JADE1: variants seen among roughly 807,000 people sequenced by gnomAD.
JADE1 encodes the protein jade family PHD finger 1.
Under a neutral mutation model 81.8 loss-of-function variants are expected in JADE1, and 14 were observed. That is an observed-to-expected ratio of 0.17 (90% confidence interval 0.11 to 0.27). JADE1 has a LOEUF of 0.27. JADE1 is among the 10% of genes least tolerant of loss of function. The pLI is 1.00. For missense variants in JADE1, 690 were observed against 1,047.9 expected (o/e 0.66, Z 4.71); for synonymous variants, 353 against 391.9 (o/e 0.90, Z 1.17).
At chr4:128,845,653 G>A (rs2004378) in intron 3 of JADE1, among the ~76,000 whole-genome samples, 3,337 of 152,098 alleles carry the variant, frequency 0.022, 104 homozygotes, top group African/African-American at 0.072. Context: ...AGTGGCTCAT[G>A]CTTGTAATCC....
In JADE1 at chr4:128,862,132, G is replaced by A; in HGVS notation, c.1410G>A (p.Lys470=). 6.2e-7 allele frequency: 1 copy of A among 1,614,194 alleles called. No individual in the cohort carries two copies. Among genetic ancestry groups the A allele is most frequent in the South Asian group, 1.1e-5 (1 of 91,090 alleles). ...TCAACAAGCCCCTGATCACCCCAAAGAAAGATGAAGAGGACAATCTAGCCA... is the reference window on the plus strand; with the variant it reads ...TCAACAAGCCCCTGATCACCCCAAAAAAAGATGAAGAGGACAATCTAGCCA... The part of the protein sequence containing the change: ...VNFNKPLITP[K]KDEEDNLAKR... The change falls in exon 9 of 11, where the codon AAG becomes AAA. Residue 470 remains lysine (K), a synonymous_variant. Transcript: ENST00000226319.
chr4:128,850,330 A>G (rs1199553498), intron 5 of JADE1, among the ~76,000 whole-genome samples: 1 of 142,000 alleles, frequency 7.0e-6, no homozygotes, highest in African/African-American at 2.5e-5. Context: ...AAAAAAAATC[A>G]CAAGATTTTT....
intron 1 of JADE1, among the ~76,000 whole-genome samples, chr4:128,820,811 A>G (rs1355874331): frequency 1.3e-5 from 2 of 152,294 alleles, no homozygotes; most frequent in African/African-American, 4.8e-5. Context: ...CTGCATTTCA[A>G]TCTGTGCACA....
intron 8 of JADE1, among the ~76,000 whole-genome samples, chr4:128,861,207 T>A (rs1731297270): frequency 6.6e-6 from 1 of 152,218 alleles, no homozygotes; most frequent in South Asian, 2.1e-4. Flanking sequence ...CTTTGCATAT[T>A]GAGTACAGAT....
intron 5 of JADE1, among the ~76,000 whole-genome samples, chr4:128,850,673 C>T (rs1487991253): frequency 6.6e-6 from 1 of 152,196 alleles, no homozygotes; most frequent in Non-Finnish European, 1.5e-5. Flanking sequence ...TTTAGCTTCA[C>T]AGATGATACA....
At chr4:128,860,268 A>G (rs1731209683) in intron 8 of JADE1, among the ~76,000 whole-genome samples, 2 of 152,122 alleles carry the variant, frequency 1.3e-5, no homozygotes, top group African/African-American at 2.4e-5. Context: ...GAGGTTATTT[A>G]TAGAGAAAAT....
chr4:128,845,691 G>A (rs1729810070), intron 3 of JADE1, among the ~76,000 whole-genome samples: 1 of 152,138 alleles, frequency 6.6e-6, no homozygotes. Flanking sequence ...GAGGCAGGTA[G>A]ATCATTTGAG....
At chr4:128,859,265 G>T (rs1579219753) in intron 8 of JADE1, among the ~76,000 whole-genome samples, 2 of 151,568 alleles carry the variant, frequency 1.3e-5, no homozygotes, top group African/African-American at 4.9e-5. Context: ...CATGTGTGGG[G>T]GTGTGAGTGT....
chr4:128,818,792 A>G (rs1355377764), intron 1 of JADE1, among the ~76,000 whole-genome samples: 9 of 152,196 alleles, frequency 5.9e-5, no homozygotes, highest in Non-Finnish European at 1.3e-4. Context: ...CAACCATTTC[A>G]ATATGTGAAA....
intron 3 of JADE1, among the ~76,000 whole-genome samples, chr4:128,845,053 G>T (rs1312282455): frequency 6.6e-6 from 1 of 152,242 alleles, no homozygotes; most frequent in Non-Finnish European, 1.5e-5. Context: ...GCTTACAGAT[G>T]CAAGCTTGCT....
intron 6 of JADE1, among the ~76,000 whole-genome samples, chr4:128,853,328 A>G (rs1040401357): frequency 5.3e-5 from 8 of 152,210 alleles, no homozygotes; most frequent in Non-Finnish European, 1.2e-4. Flanking sequence ...TAGGACTTCA[A>G]CATGTCTTTT....
At chr4:128,852,878 T>C (rs1439786284) in intron 6 of JADE1, among the ~76,000 whole-genome samples, 2 of 151,718 alleles carry the variant, frequency 1.3e-5, no homozygotes, top group East Asian at 3.9e-4. Context: ...TTCATCATCA[T>C]GTGTGTTCTC....
intron 1 of JADE1, chr4:128,816,534 G>A (rs1727045176): frequency 6.6e-6 from 1 of 152,098 alleles, no homozygotes; most frequent in Non-Finnish European, 1.5e-5. Flanking sequence ...CTATGATGGG[G>A]CCTTTCCTAG....
Position 128,857,401 on chromosome 4 carries a change from C to A in JADE1, c.928C>A (p.Arg310=). 1 of 1,614,090 alleles carries A rather than the reference C, an allele frequency of 6.2e-7. No individual in the cohort carries two copies. Among genetic ancestry groups the A allele is most frequent in the Non-Finnish European group, 8.5e-7 (1 of 1,179,996 alleles). ...CAAGGTGTCACACATTCCCAGCAGC[C>A]GGTGGGCGCTAGTGTGCAGCCTCTG... ...ITKVSHIPSS[R]WALVCSLCNE... Residue 310 remains arginine (R), a synonymous_variant, in exon 8 of 11, where the codon CGG becomes AGG. Transcript: ENST00000226319.
In JADE1 at chr4:128,846,344, A is replaced by T. The variant is rs1230290065; in HGVS notation, c.139-31A>T. ...ACTCTGAATAAGAATGCAAATATCA[A>T]ATGTCAGTGTCCCTTTCTCTTCCTT... On this transcript the variant is annotated intron_variant, in intron 3 of 10. Transcript: ENST00000226319. This position sits in a 1 kb window ranked among gnomAD's most constrained non-coding sequence, Gnocchi z 4.0. 6.2e-7 allele frequency: 1 copy of T among 1,608,864 alleles called. No homozygotes were observed. Among genetic ancestry groups the T allele is most frequent in the East Asian group, 2.2e-5 (1 of 44,816 alleles).
At chr4:128,811,970 C>T (rs62317870) in intron 1 of JADE1, 100,239 of 151,880 alleles carry the variant, frequency 0.66, 35,266 homozygotes, top group South Asian at 0.83. Context: ...CGCCCCAGCC[C>T]GAAGGTGCCG....
At position 128,864,530 on chromosome 4, in the gene JADE1, A is replaced by G. The variant is rs1000951876; in HGVS notation, c.1503+2305A>G. 9 of 985,294 alleles carry G rather than the reference A, an allele frequency of 9.1e-6. No individual in the cohort carries two copies. The African/African-American group carries it at 1.4e-4, about 15-fold the overall frequency. The allele number at this position is 985,294 out of a possible 1,614,324, so 61.0% of individuals were successfully genotyped here. A position where few individuals can be genotyped will look rare whatever the true frequency, so the allele number is the denominator to read the frequency against. On this transcript the variant is annotated intron_variant, in intron 9 of 10. Transcript: ENST00000226319. ...CCTGTGATGGTGAAGGCATTAAACA[A>G]TTGAAATCTTTGCCTTGCCCAGAGA...
At chr4:128,847,713 G>A (rs554384384) in intron 4 of JADE1, among the ~76,000 whole-genome samples, 1 of 152,334 alleles carries the variant, frequency 6.6e-6, no homozygotes, top group South Asian at 2.1e-4. Flanking sequence ...CTGTATTAAA[G>A]TTGGAGCCCT....
chr4:128,862,382 G>A, intron 9 of JADE1, 157 bp downstream of exon 9: 1 of 1,444,928 alleles, frequency 6.9e-7, no homozygotes, highest in Non-Finnish European at 9.1e-7. Flanking sequence ...TTTATGGGCT[G>A]GTAAACTCAT....
Sources: gnomAD v4.1 joint callset for allele counts (sites outside exome capture counted in the v4.1 genomes callset) on GRCh38, gnomAD v4.1.1 for gene constraint, Gnocchi (gnomAD v3.1) non-coding constraint, MANE v1.5 for transcripts, NCBI Gene and HGNC (gene_info 2026-07-23, HGNC 2026-07-21) for gene names.